The following USP12 variants were observed in gnomAD, a reference collection of about 807,000 sequenced individuals.
USP12 encodes the protein ubiquitin carboxyl-terminal hydrolase 12.
Under a neutral mutation model 45.5 loss-of-function variants are expected in USP12, and 19 were observed. The observed-to-expected ratio is 0.42, with a 90% CI of 0.29 to 0.61. USP12 has a LOEUF of 0.61. Among genes scored for constraint, USP12 ranks in the 20% least tolerant of loss-of-function variants. The pLI, the probability that USP12 is intolerant of heterozygous loss-of-function variation, is 0.22. For synonymous variants in USP12, 149 were observed against 148.8 expected, an observed-to-expected ratio of 1.00 and a Z score of -0.01; for missense variants, 242 against 447.7, an observed-to-expected ratio of 0.54 and a Z score of 4.15.
At chr13:27,166,125 A>G (rs1304755182) in intron 1 of USP12, among the ~76,000 whole-genome samples, 1 of 152,168 alleles carries the variant, frequency 6.6e-6, no homozygotes, top group East Asian at 1.9e-4. Context: ...AAACTTTCCC[A>G]TATATACACA....
intron 6 of USP12, among the ~76,000 whole-genome samples, chr13:27,076,809 G>A (rs1873509340): frequency 6.6e-6 from 1 of 152,080 alleles, no homozygotes; most frequent in Admixed American, 6.6e-5. Flanking sequence ...AAATATGGTG[G>A]ATAGCTTATT....
At chr13:27,126,571 G>A (rs1876247820) in intron 1 of USP12, among the ~76,000 whole-genome samples, 1 of 152,132 alleles carries the variant, frequency 6.6e-6, no homozygotes, top group Admixed American at 6.5e-5. Flanking sequence ...CAGGGGACTG[G>A]GTGACAGCCT....
intron 1 of USP12, among the ~76,000 whole-genome samples, chr13:27,142,521 A>C (rs555847818): frequency 2.6e-5 from 4 of 152,212 alleles, no homozygotes; most frequent in African/African-American, 7.2e-5. Context: ...TGTGCACTTA[A>C]GTTTTTACGA....
intron 6 of USP12, among the ~76,000 whole-genome samples, chr13:27,087,099 C>CTGTGTG (rs72206222): frequency 0.064 from 9,375 of 147,102 alleles, 642 homozygotes; most frequent in East Asian, 0.23. Context: ...GGGGAAGGGG[C>CTGTGTG]TGTGTGTGTG....
chr13:27,110,881 C>T (rs1020608759), intron 2 of USP12, among the ~76,000 whole-genome samples: 1 of 152,112 alleles, frequency 6.6e-6, no homozygotes, highest in African/African-American at 2.4e-5. Context: ...GGGAATTGAA[C>T]AACTTCCACC....
chr13:27,140,238 G>T (rs1291781364), intron 1 of USP12, among the ~76,000 whole-genome samples: 3 of 152,158 alleles, frequency 2.0e-5, no homozygotes, highest in African/African-American at 4.8e-5. Flanking sequence ...TGACTGGAGG[G>T]AGCGAAACAG....
chr13:27,086,189 A>ACAT (rs1378446137), intron 6 of USP12, among the ~76,000 whole-genome samples: 1 of 81,924 alleles, frequency 1.2e-5, no homozygotes, highest in Non-Finnish European at 2.5e-5. Context: ...AAAAAAAAAA[A>ACAT]AAAAAAAAAT....
chr13:27,070,648 G>T (rs1236549782), intron 8 of USP12, among the ~76,000 whole-genome samples: 1 of 151,926 alleles, frequency 6.6e-6, no homozygotes, highest in African/African-American at 2.4e-5. Flanking sequence ...CCGCCTCCCG[G>T]GTTCAAGCGC....
chr13:27,115,305 A>C (rs1464428196), intron 2 of USP12, among the ~76,000 whole-genome samples: 1 of 152,182 alleles, frequency 6.6e-6, no homozygotes, highest in African/African-American at 2.4e-5. Flanking sequence ...GAGAGGAGTA[A>C]TGAGTAGCCT....
At chr13:27,153,400 C>T (rs1038551435) in intron 1 of USP12, among the ~76,000 whole-genome samples, 9 of 152,166 alleles carry the variant, frequency 5.9e-5, no homozygotes, top group Non-Finnish European at 1.3e-4. Flanking sequence ...AACATATATA[C>T]ATATGCATAC....
chr13:27,109,383 A>C (rs472339), intron 2 of USP12, among the ~76,000 whole-genome samples: 1 of 152,154 alleles, frequency 6.6e-6, no homozygotes, highest in Non-Finnish European at 1.5e-5. Flanking sequence ...ACTTTAATCA[A>C]GTCTCTACGT....
intron 1 of USP12, among the ~76,000 whole-genome samples, chr13:27,126,542 G>A (rs993224912): frequency 6.6e-6 from 1 of 152,144 alleles, no homozygotes; most frequent in Non-Finnish European, 1.5e-5. Context: ...GCATTTAAAC[G>A]TTCCAACCGC....
intron 1 of USP12, among the ~76,000 whole-genome samples, chr13:27,168,481 TTC>T (rs1566010834): frequency 6.6e-6 from 1 of 152,228 alleles, no homozygotes; most frequent in Non-Finnish European, 1.5e-5. Context: ...TCTACATGTA[TTC>T]TGTCACTTTT....
intron 7 of USP12, among the ~76,000 whole-genome samples, chr13:27,073,505 G>A (rs1467022946): frequency 6.6e-6 from 1 of 152,138 alleles, no homozygotes; most frequent in South Asian, 2.1e-4. Context: ...GCTGGGGAAA[G>A]AGTTGGGTTA....
At chr13:27,149,132 A>T (rs1877454544) in intron 1 of USP12, among the ~76,000 whole-genome samples, 1 of 152,108 alleles carries the variant, frequency 6.6e-6, no homozygotes, top group Non-Finnish European at 1.5e-5. Flanking sequence ...GTGGTAAGAC[A>T]AGATCACAGC....
chr13:27,137,686 C>T (rs1278102750), intron 1 of USP12, among the ~76,000 whole-genome samples: 2 of 152,224 alleles, frequency 1.3e-5, no homozygotes, highest in Non-Finnish European at 2.9e-5. Context: ...TCTCAGCCTG[C>T]TAGTATCCAT....
chr13:27,164,629 C>T (rs910886034), intron 1 of USP12, among the ~76,000 whole-genome samples: 8 of 152,224 alleles, frequency 5.3e-5, no homozygotes, highest in Non-Finnish European at 1.0e-4. Flanking sequence ...CCACTCTAAC[C>T]TCCTAAAGCA....
intron 1 of USP12, among the ~76,000 whole-genome samples, chr13:27,153,137 G>C (rs901042753): frequency 2.6e-5 from 4 of 151,858 alleles, no homozygotes; most frequent in Non-Finnish European, 5.9e-5. Context: ...TTCAAGACTA[G>C]CCTGGCCAAC....
rs754103474 is a variant in USP12 at position 27,071,047 on chromosome 13, ATAAGAAAT to A, written c.1011+16_1011+23del. The A allele has an allele frequency of 1.5e-5, 23 of 1,583,284 alleles. No individual in the cohort carries two copies. The highest frequency in any genetic ancestry group is 2.7e-5 in the African/African-American group (2 of 73,114). On this transcript the variant is annotated intron_variant, in intron 8 of 8. Transcript: ENST00000282344. ...CAACATATGCATACAACTTTCAAAA[ATAAGAAAT>A]TAAGAAACTACTTACTTCTACAATG...
Sources: allele counts gnomAD v4.1 joint callset (sites outside exome capture counted in the v4.1 genomes callset), GRCh38; gene constraint gnomAD v4.1.1; transcripts MANE v1.5; gene names NCBI Gene and HGNC (gene_info 2026-07-23, HGNC 2026-07-21).